The following PLAAT1 variants were observed in gnomAD, a reference collection of about 807,000 sequenced individuals.
PLAAT1 encodes H-REV107 protein-related protein.
Under a neutral mutation model 16.4 loss-of-function variants are expected in PLAAT1, and 13 were observed. The ratio of observed to expected loss-of-function variants is 0.79; its 90% CI spans 0.52 to 1.26. PLAAT1 has a LOEUF of 1.26. PLAAT1 is among the 50% of genes most tolerant of loss of function. The pLI is 0.00. For synonymous variants in PLAAT1, 73 were observed against 78.4 expected (o/e 0.93, Z 0.36); for missense variants, 218 against 207.8 (o/e 1.05, Z -0.30).
At chr3:193,249,577 T>C (rs1038136319) in intron 1 of PLAAT1, among the ~76,000 whole-genome samples, 2 of 152,186 alleles carry the variant, frequency 1.3e-5, no homozygotes, top group African/African-American at 4.8e-5. Flanking sequence ...GCTATATGTC[T>C]TTGAATATAT....
chr3:193,276,693 G>T, intron 2 of PLAAT1: 1 of 1,294,556 alleles, frequency 7.7e-7, no homozygotes, highest in Non-Finnish European at 1.1e-6. Context: ...AGCACCTGCT[G>T]AAAATGAGAT....
intron 3 of PLAAT1, among the ~76,000 whole-genome samples, chr3:193,263,711 A>G (rs1716675327): frequency 6.6e-6 from 1 of 152,180 alleles, no homozygotes; most frequent in African/African-American, 2.4e-5. Context: ...TTTCCTTGCA[A>G]TTGCTAATTT....
upstream of PLAAT1, among the ~76,000 whole-genome samples, chr3:193,240,762 G>A (rs1464754148): frequency 1.3e-5 from 2 of 151,516 alleles, no homozygotes. Context: ...TTGTTTTAGG[G>A]CCAGTCCTTC....
At chr3:193,272,649 C>T (rs796932943), downstream of PLAAT1, among the ~76,000 whole-genome samples, 12 of 152,222 alleles carry the variant, frequency 7.9e-5, no homozygotes, top group African/African-American at 2.6e-4. Context: ...CAAGAACCTC[C>T]TAAGAGCCTC....
At chr3:193,272,712 T>A (rs1717024291), downstream of PLAAT1, among the ~76,000 whole-genome samples, 1 of 152,216 alleles carries the variant, frequency 6.6e-6, no homozygotes, top group Admixed American at 6.5e-5. Flanking sequence ...AAGACAGTCC[T>A]GTCTGTGCTA....
intron 1 of PLAAT1, among the ~76,000 whole-genome samples, chr3:193,243,775 C>T (rs1157061837): frequency 6.6e-6 from 1 of 152,172 alleles, no homozygotes; most frequent in African/African-American, 2.4e-5. Flanking sequence ...ATGGTCACCA[C>T]AATAATCAGC....
chr3:193,272,423 C>T (rs1308578212), downstream of PLAAT1, among the ~76,000 whole-genome samples: 5 of 151,916 alleles, frequency 3.3e-5, no homozygotes, highest in East Asian at 1.9e-4. Flanking sequence ...GCCTGGGCGA[C>T]GACAGAGCGA....
intron 1 of PLAAT1, among the ~76,000 whole-genome samples, chr3:193,250,496 G>A (rs1369588350): frequency 1.3e-5 from 2 of 152,130 alleles, no homozygotes; most frequent in Non-Finnish European, 2.9e-5. Flanking sequence ...AAAAAGCCAC[G>A]TTTTTGTTCT....
intron 2 of PLAAT1, among the ~76,000 whole-genome samples, chr3:193,258,136 C>T (rs1208372569): frequency 6.6e-6 from 1 of 152,094 alleles, no homozygotes. Context: ...CCTATTAGTC[C>T]TGCCCCTCTA....
intron 1 of PLAAT1, among the ~76,000 whole-genome samples, chr3:193,253,953 T>C (rs76874489): frequency 0.01 from 1,595 of 152,306 alleles, 55 homozygotes; most frequent in East Asian, 0.072. Flanking sequence ...TTTTATACTT[T>C]GGCTGCATCT....
At position 193,241,401 on chromosome 3, in the gene PLAAT1, G is replaced by A. The variant is rs375226494; in HGVS notation, c.-133G>A. On this transcript the variant is annotated 5_prime_UTR_variant, in exon 1 of 4. In the 5' UTR this introduces an upstream ATG that the reference lacks. Transcript: ENST00000264735. ...GTGATGGCTGGCGCCTGCCTCCCGG[G>A]TGTCTCCCGGGTACAGATGGAGTCG... 8.1e-7 allele frequency: 1 copy of A among 1,231,802 alleles called. No individual in the cohort carries two copies. Among genetic ancestry groups the A allele is most frequent in the Non-Finnish European group, 1.0e-6 (1 of 988,022 alleles). 76.3% of individuals were successfully genotyped at this position (1,231,802 alleles called of 1,614,324 possible).
chr3:193,254,684 CT>C (rs1197409972), intron 1 of PLAAT1, among the ~76,000 whole-genome samples: 1 of 152,122 alleles, frequency 6.6e-6, no homozygotes, highest in Admixed American at 6.6e-5. Context: ...AACTCACCAG[CT>C]TTCCAAGTTG....
At chr3:193,250,378 C>A (rs1279559880) in intron 1 of PLAAT1, among the ~76,000 whole-genome samples, 1 of 152,090 alleles carries the variant, frequency 6.6e-6, no homozygotes, top group African/African-American at 2.4e-5. Context: ...GTTTAATCTC[C>A]CACTCATTCT....
rs147017974 is a variant in PLAAT1 at position 193,257,394 on chromosome 3, A to G, written c.139+1605A>G. Among the ~76,000 whole-genome samples, 76 of 152,338 alleles carry G rather than the reference A, an allele frequency of 5.0e-4. No homozygotes were observed. The East Asian group carries it at 0.013, about 26-fold the overall frequency. On this transcript the variant is annotated intron_variant, in intron 2 of 3. Coordinates refer to ENST00000264735, the MANE Select transcript of PLAAT1 (RefSeq NM_020386.5). Reference sequence around the variant, plus strand: ...GCCATTAAAAGTCTTATATCTGGACATGTTTTATTGCAGGGAAGATGGTCT... The same window carrying G: ...GCCATTAAAAGTCTTATATCTGGACGTGTTTTATTGCAGGGAAGATGGTCT...
intron 2 of PLAAT1, among the ~76,000 whole-genome samples, chr3:193,260,299 A>C (rs999894154): frequency 6.6e-6 from 1 of 152,200 alleles, no homozygotes; most frequent in Non-Finnish European, 1.5e-5. Flanking sequence ...AGCTTTGGCA[A>C]ATAATTTATG....
At chr3:193,243,157 T>G (rs1043934322) in intron 1 of PLAAT1, among the ~76,000 whole-genome samples, 1 of 152,270 alleles carries the variant, frequency 6.6e-6, no homozygotes, top group Non-Finnish European at 1.5e-5. Context: ...CTCTTTATTA[T>G]AAACTGTTCA....
intron 1 of PLAAT1, among the ~76,000 whole-genome samples, chr3:193,251,912 C>G (rs1490003516): frequency 6.6e-6 from 1 of 151,800 alleles, no homozygotes. Context: ...TGCTGAGGTC[C>G]CCTTATTGTG....
intron 1 of PLAAT1, among the ~76,000 whole-genome samples, chr3:193,252,753 ATTTG>A (rs1328862517): frequency 3.3e-5 from 5 of 152,232 alleles, no homozygotes; most frequent in African/African-American, 7.2e-5. Flanking sequence ...AGGTTTGTTT[ATTTG>A]TTTGTCTATG....
downstream of PLAAT1, among the ~76,000 whole-genome samples, chr3:193,272,300 A>G (rs935739517): frequency 1.3e-5 from 2 of 152,008 alleles, no homozygotes; most frequent in African/African-American, 2.4e-5. Context: ...AAAATTAGCC[A>G]GGCGTGGTGG....
Sources: gnomAD v4.1 joint callset for allele counts (sites outside exome capture counted in the v4.1 genomes callset) on GRCh38, gnomAD v4.1.1 for gene constraint, MANE v1.5 for transcripts, NCBI Gene and HGNC (gene_info 2026-07-23, HGNC 2026-07-21) for gene names.